Variants in TMEM45A observed in about 807,000 individuals in gnomAD.
TMEM45A encodes the protein transmembrane protein 45A.
In TMEM45A, 25 loss-of-function variants were observed where a neutral mutation model predicts 32.0. The observed-to-expected ratio is 0.78, with a 90% CI of 0.57 to 1.09. The LOEUF is 1.09. Ranked by LOEUF, TMEM45A falls within the 50% of genes least tolerant of loss-of-function variation. The probability of loss-of-function intolerance (pLI) is 0.00; values close to 1 mark genes in which losing one functional copy is unlikely to be tolerated. For synonymous variants in TMEM45A, 122 were observed against 114.8 expected (o/e 1.06, Z -0.40); for missense variants, 302 against 325.0 (o/e 0.93, Z 0.54).
chr3:100,555,548 A>G, intron 2 of TMEM45A, 147 bp downstream of exon 2: 5 of 785,104 alleles, frequency 6.4e-6, no homozygotes, highest in East Asian at 5.4e-5. Context: ...TGCAAATGAT[A>G]TGAAATTAAT....
At chr3:100,531,288 C>T (rs781422109) in intron 1 of TMEM45A, among the ~76,000 whole-genome samples, 7 of 151,918 alleles carry the variant, frequency 4.6e-5, no homozygotes, top group Non-Finnish European at 1.0e-4. Flanking sequence ...TTGTGTGTGT[C>T]TGCGTGAGTG....
chr3:100,504,878 A>T (rs1173029953), intron 1 of TMEM45A, among the ~76,000 whole-genome samples: 1 of 152,238 alleles, frequency 6.6e-6, no homozygotes, highest in Admixed American at 6.5e-5. Flanking sequence ...AACTGTGCTT[A>T]TGTAGTGTAG....
Position 100,558,461 on chromosome 3 carries a change from C to G in TMEM45A, c.460C>G (p.Gln154Glu). 1 of 1,614,078 alleles carries G rather than the reference C, an allele frequency of 6.2e-7. No homozygotes were observed. Among genetic ancestry groups the G allele is most frequent in the Non-Finnish European group, 8.5e-7 (1 of 1,180,020 alleles). Residue 154 changes from glutamine to glutamate, a missense_variant, in exon 4 of 6, where the codon CAG becomes GAG. Transcript: ENST00000323523. ...GREMLDIFVH[Q>E]LLVLVVFLTG... ...GGAAATGCTGGACATCTTTGTGCAC[C>G]AGCTGCTGGTTTTGGTCGTCTTTCT...
At position 100,558,566 on chromosome 3, in the gene TMEM45A, C is replaced by A. The variant is rs749066645; in HGVS notation, c.565C>A (p.Leu189Ile). ...LELLRSSLIL[L>I]QGSWFFQIGF... ...GCTATTGCGGTCAAGTCTCATTCTG[C>A]TTCAGGGGAGCTGGTTCTTTCAGGT... Residue 189 changes from leucine (L) to isoleucine (I), a missense_variant, in exon 4 of 6, where the codon CTT becomes ATT. Transcript: ENST00000323523. 1 of 1,613,890 alleles carries A rather than the reference C, an allele frequency of 6.2e-7. No homozygotes were observed. The highest frequency in any genetic ancestry group is 8.5e-7 in the Non-Finnish European group (1 of 1,179,926).
In TMEM45A at chr3:100,568,864, G is replaced by A. The variant is rs200191548; in HGVS notation, c.631G>A (p.Asp211Asn). The A allele has an allele frequency of 1.9e-5, 30 of 1,613,636 alleles. No homozygotes were observed. Among genetic ancestry groups the A allele is most frequent in the Non-Finnish European group, 2.1e-5 (25 of 1,179,782 alleles). Reference sequence around the variant, plus strand: ...TCCCCCCAGTGGAGGTCCTGCATGGGATCTGATGGATCATGAAAATATTTT... The same window carrying A: ...TCCCCCCAGTGGAGGTCCTGCATGGAATCTGATGGATCATGAAAATATTTT... ...LYPPSGGPAW[D>N]LMDHENILFL... The change falls in exon 5 of 6, where the codon GAT becomes AAT. Residue 211 changes from aspartate (D) to asparagine (N), a missense_variant. Physicochemically the swap from Asp to Asn is conservative, Grantham distance 23 (BLOSUM62 1). Coordinates refer to ENST00000323523, the MANE Select transcript of TMEM45A (RefSeq NM_018004.3).
chr3:100,503,140 C>T (rs1002349219), intron 1 of TMEM45A, among the ~76,000 whole-genome samples: 1 of 151,982 alleles, frequency 6.6e-6, no homozygotes, highest in Admixed American at 6.6e-5. Context: ...CAGTTTCACT[C>T]TGTCATCCAG....
intron 1 of TMEM45A, among the ~76,000 whole-genome samples, chr3:100,507,777 T>G (rs1206955038): frequency 6.6e-6 from 1 of 152,038 alleles, no homozygotes; most frequent in African/African-American, 2.4e-5. Flanking sequence ...AAGTTTATAC[T>G]TTAATTTCTT....
At chr3:100,521,379 A>G (rs1237902705) in intron 1 of TMEM45A, among the ~76,000 whole-genome samples, 2 of 151,604 alleles carry the variant, frequency 1.3e-5, no homozygotes, top group African/African-American at 4.9e-5. Context: ...CTCAGCTCCC[A>G]AGTAGCTGGG....
intron 1 of TMEM45A, among the ~76,000 whole-genome samples, chr3:100,548,970 G>A (rs567417426): frequency 3.3e-5 from 5 of 152,216 alleles, no homozygotes; most frequent in Non-Finnish European, 5.9e-5. Flanking sequence ...ATCTTTGGCC[G>A]GGCATGCTGG....
chr3:100,548,984 A>G (rs1706034690), intron 1 of TMEM45A, among the ~76,000 whole-genome samples: 1 of 152,202 alleles, frequency 6.6e-6, no homozygotes, highest in Non-Finnish European at 1.5e-5. Flanking sequence ...ATGCTGGCTC[A>G]TGCCTGTAAT....
intron 1 of TMEM45A, among the ~76,000 whole-genome samples, chr3:100,538,527 T>A (rs1039326387): frequency 6.6e-6 from 1 of 152,172 alleles, no homozygotes; most frequent in African/African-American, 2.4e-5. Flanking sequence ...GTGTCATCAC[T>A]CCTATGCCAC....
intron 1 of TMEM45A, among the ~76,000 whole-genome samples, chr3:100,520,361 C>G (rs1705411036): frequency 6.6e-6 from 1 of 152,114 alleles, no homozygotes; most frequent in African/African-American, 2.4e-5. Flanking sequence ...TTCACTGAGG[C>G]CTCACCATTT....
At chr3:100,514,726 A>C (rs1414236670) in intron 1 of TMEM45A, among the ~76,000 whole-genome samples, 1 of 152,188 alleles carries the variant, frequency 6.6e-6, no homozygotes, top group Non-Finnish European at 1.5e-5. Flanking sequence ...CAACCTACTC[A>C]TCTGACAAAG....
intron 1 of TMEM45A, among the ~76,000 whole-genome samples, chr3:100,520,271 G>C (rs1705409701): frequency 6.6e-6 from 1 of 152,168 alleles, no homozygotes; most frequent in African/African-American, 2.4e-5. Flanking sequence ...CCCCTGCAGA[G>C]CTCTGAAAAC....
chr3:100,551,850 G>A (rs1274974080), intron 1 of TMEM45A, among the ~76,000 whole-genome samples: 2 of 152,290 alleles, frequency 1.3e-5, no homozygotes, highest in East Asian at 3.9e-4. Context: ...ACTGAAGTAG[G>A]AAGGAGGACT....
Position 100,524,547 on chromosome 3 carries a change from C to T in TMEM45A, c.-3-30662C>T, listed in dbSNP as rs540650376. On this transcript the variant is annotated intron_variant, in intron 1 of 5. Transcript: ENST00000323523. The stretch of plus-strand genomic sequence containing the variant: ...TTTACATTGTCCAATATGGTAGCCA[C>T]GAGCCACATGTGGCTATTGAACAAC... Among the ~76,000 whole-genome samples, 20 of 152,216 alleles carry T rather than the reference C, an allele frequency of 1.3e-4. No individual in the cohort carries two copies. The South Asian group carries it at 2.1e-3, about 16-fold the overall frequency.
intron 1 of TMEM45A, among the ~76,000 whole-genome samples, chr3:100,506,563 C>T (rs1354639360): frequency 6.6e-6 from 1 of 152,134 alleles, no homozygotes; most frequent in African/African-American, 2.4e-5. Flanking sequence ...GACTGCCAAA[C>T]CATGGTCTGT....
intron 1 of TMEM45A, among the ~76,000 whole-genome samples, chr3:100,526,171 T>C (rs1705541390): frequency 6.6e-6 from 1 of 152,218 alleles, no homozygotes; most frequent in South Asian, 2.1e-4. Context: ...ACTTCCCTGA[T>C]AGCACCCTGC....
Position 100,566,081 on chromosome 3 carries a change from A to G in TMEM45A, c.589-2741A>G, listed in dbSNP as rs1706429581. Among the ~76,000 whole-genome samples the G allele has an allele frequency of 3.3e-5, 5 of 152,146 alleles. No homozygotes were observed. In the South Asian group the frequency reaches 1.0e-3, roughly 32 times the overall value. The stretch of plus-strand genomic sequence containing the variant: ...CTTAGTATAAATGTTTTCAAGTTTC[A>G]TCCATGTTGTTGCATGTACTTCATT... On this transcript the variant is annotated intron_variant, in intron 4 of 5. Coordinates refer to ENST00000323523, the MANE Select transcript of TMEM45A (RefSeq NM_018004.3).
Sources: gnomAD v4.1 joint callset for allele counts (sites outside exome capture counted in the v4.1 genomes callset) on GRCh38, gnomAD v4.1.1 for gene constraint, MANE v1.5 for transcripts, NCBI Gene and HGNC (gene_info 2026-07-23, HGNC 2026-07-21) for gene names.